UPF1: variants seen among roughly 807,000 people sequenced by gnomAD.
UPF1 encodes the protein regulator of nonsense transcripts 1.
In UPF1, 9 loss-of-function variants were observed where a neutral mutation model predicts 129.2. The ratio of observed to expected loss-of-function variants is 0.07; its 90% CI spans 0.04 to 0.12. The LOEUF is 0.12. Ranked by LOEUF, UPF1 falls within the 10% of genes least tolerant of loss-of-function variation. UPF1 has a pLI of 1.00. For missense variants in UPF1, 788 were observed against 1,525.3 expected, an observed-to-expected ratio of 0.52 and a Z score of 8.05; for synonymous variants, 649 against 644.9, an observed-to-expected ratio of 1.01 and a Z score of -0.10.
rs4808161 is a variant in UPF1 at position 18,832,079 on chromosome 19, C to G, written c.-131C>G. 0.89 allele frequency: 730,640 copies of G among 819,356 alleles called. 326,623 individuals carry two copies. Among genetic ancestry groups the G allele is most frequent in the African/African-American group, 0.98 (53,164 of 54,212 alleles). 50.8% of individuals were successfully genotyped at this position (819,356 alleles called of 1,614,324 possible). ...TCTCGGTCCGGCTGGCGCCGGGGCGCGCGGTTTGGTCCTTTCCGGGCGCGC... is the reference window on the plus strand; with the variant it reads ...TCTCGGTCCGGCTGGCGCCGGGGCGGGCGGTTTGGTCCTTTCCGGGCGCGC... On this transcript the variant is annotated 5_prime_UTR_variant, in exon 1 of 24. Coordinates refer to ENST00000262803, the MANE Select transcript of UPF1 (RefSeq NM_002911.4). The surrounding 1 kb of genome is among the most constrained non-coding windows in gnomAD (Gnocchi z 5.6).
rs79107411 is a variant in UPF1, at chr19:18,857,770, C to T, written c.2182+237C>T. ...AAAACTCAGTCATTGCCTGAGAATTCATCCAAGCCTCATGTGGCAGCATGC... is the reference window on the plus strand; with the variant it reads ...AAAACTCAGTCATTGCCTGAGAATTTATCCAAGCCTCATGTGGCAGCATGC... On this transcript the variant is annotated intron_variant, in intron 15 of 23. Transcript: ENST00000262803. 1.8e-3 allele frequency among the ~76,000 whole-genome samples: 269 copies of T among 152,360 alleles called. 9 individuals carry two copies. The East Asian group carries it at 0.048, about 27-fold the overall frequency.
At chr19:18,855,063 G>A in intron 10 of UPF1, 25 bp downstream of exon 10, 6 of 1,613,048 alleles carry the variant, frequency 3.7e-6, no homozygotes, top group East Asian at 4.5e-5. Context: ...CAGCGCGCGG[G>A]GCCTCGCCCA....
chr19:18,861,374 G>A (rs766183587), intron 17 of UPF1, among the ~76,000 whole-genome samples: 20 of 152,204 alleles, frequency 1.3e-4, no homozygotes, highest in Non-Finnish European at 2.1e-4. Context: ...CACCCACTGC[G>A]GGTGTGTGGG....
chr19:18,863,733 T>A (rs1459770807), intron 19 of UPF1, 121 bp downstream of exon 19: 14 of 1,038,176 alleles, frequency 1.3e-5, no homozygotes, highest in South Asian at 1.6e-5. Context: ...TAGGGGAGGG[T>A]GGGCTCTCCT....
Position 18,850,740 on chromosome 19 carries a change from C to A in UPF1, c.682C>A (p.Gln228Lys), listed in dbSNP as rs2055649872. The change falls in exon 5 of 24, where the codon CAG becomes AAG. Residue 228 changes from glutamine to lysine, a missense_variant. Around this residue, in one of 6 missense-constraint regions of UPF1, gnomAD observed 227 missense variants for 517.9 expected, o/e 0.44. Coordinates refer to ENST00000262803, the MANE Select transcript of UPF1 (RefSeq NM_002911.4). The surrounding 1 kb of genome is among the most constrained non-coding windows in gnomAD (Gnocchi z 7.1). ...SLKDINWDSS[Q>K]WQPLIQDRCF... ...CAAGGACATCAACTGGGACAGCTCG[C>A]AGTGGCAGCCGCTGATCCAGGACCG... The A allele has an allele frequency of 6.2e-7, 1 of 1,610,742 alleles. No individual in the cohort carries two copies. Among genetic ancestry groups the A allele is most frequent in the African/African-American group, 1.3e-5 (1 of 75,016 alleles).
chr19:18,832,398 C>T lies in UPF1; in HGVS notation c.189C>T (p.Gly63=). 1.9e-6 allele frequency: 2 copies of T among 1,028,940 alleles called. No individual in the cohort carries two copies. Among genetic ancestry groups the T allele is most frequent in the Non-Finnish European group, 2.3e-6 (2 of 858,838 alleles). 63.7% of individuals were successfully genotyped at this position (1,028,940 alleles called of 1,614,324 possible). The change falls in exon 1 of 24, where the codon GGC becomes GGT. Residue 63 remains glycine (G), a synonymous_variant. Coordinates refer to ENST00000262803, the MANE Select transcript of UPF1 (RefSeq NM_002911.4). This position sits in a 1 kb window ranked among gnomAD's most constrained non-coding sequence, Gnocchi z 5.6. ...GPGGGGAGGP[G]GAGAGAAAGQ... ...GCGGTGGCGGCGCGGGAGGCCCGGG[C>T]GGCGCGGGCGCGGGCGCTGCGGCGG...
chr19:18,854,581 A>C lies in UPF1; in HGVS notation c.1157-20A>C, dbSNP rs1373593082. 11 of 1,591,892 alleles carry C rather than the reference A, an allele frequency of 6.9e-6. No homozygotes were observed. Among genetic ancestry groups the C allele is most frequent in the African/African-American group, 1.3e-5 (1 of 74,270 alleles). Reference sequence around the variant, plus strand: ...TCAGCCCGGCTTTTGACAAGGATGCAAACTTAACTCAGCACACAGATTATG... The same window carrying C: ...TCAGCCCGGCTTTTGACAAGGATGCCAACTTAACTCAGCACACAGATTATG... On this transcript the variant is annotated intron_variant, in intron 8 of 23. Transcript: ENST00000262803.
chr19:18,860,509 CTTAT>C, intron 16 of UPF1, 71 bp downstream of exon 16: 1 of 1,497,178 alleles, frequency 6.7e-7, no homozygotes, highest in Non-Finnish European at 9.2e-7. Flanking sequence ...ACCCATTCTA[CTTAT>C]TTTTAACATG....
chr19:18,835,181 C>T (rs919855802), intron 1 of UPF1, among the ~76,000 whole-genome samples: 8 of 152,154 alleles, frequency 5.3e-5, no homozygotes, highest in East Asian at 1.9e-4. Flanking sequence ...TTCACATCAA[C>T]GGAATCATAT....
rs200826658 is a variant in UPF1, at chr19:18,846,105, C to G, written c.357C>G (p.Pro119=). ...ACACCTATTACACGAAGGACCTCCC[C>G]ATACACGCCTGCAGGTGAGCTGAGC... The part of the protein sequence containing the change: ...EEDTYYTKDL[P]IHACSYCGIH... Residue 119 remains proline, a synonymous_variant, in exon 2 of 24, where the codon CCC becomes CCG. Transcript: ENST00000262803. The G allele has an allele frequency of 1.2e-6, 2 of 1,614,058 alleles. No homozygotes were observed. The highest frequency in any genetic ancestry group is 2.2e-5 in the East Asian group (1 of 44,882).
Position 18,862,138 on chromosome 19 carries a change from C to A in UPF1, c.2586C>A (p.Ala862=). Residue 862 remains alanine (A), a synonymous_variant, in exon 18 of 24, where the codon GCC becomes GCA. Coordinates refer to ENST00000262803, the MANE Select transcript of UPF1 (RefSeq NM_002911.4). ...ATGACCCCAGGCGTCTGAACGTGGC[C>A]CTGACCAGAGCAAGGTAGGGAGGCT... ...FLNDPRRLNV[A]LTRARYGVII... The A allele has an allele frequency of 3.1e-6, 5 of 1,613,850 alleles. No homozygotes were observed. Among genetic ancestry groups the A allele is most frequent in the Non-Finnish European group, 4.2e-6 (5 of 1,179,984 alleles).
In UPF1 at chr19:18,855,059, G is replaced by T. The variant is rs370437288; in HGVS notation, c.1425+21G>T. 39 of 1,612,904 alleles carry T rather than the reference G, an allele frequency of 2.4e-5. No individual in the cohort carries two copies. In the East Asian group the frequency reaches 4.7e-4, roughly 19 times the overall value. ...CCCAGGTGCGCGCCGTCCTCAGCGC[G>T]CGGGGCCTCGCCCATGGGCCGGGAC... On this transcript the variant is annotated intron_variant, in intron 10 of 23. Transcript: ENST00000262803.
Position 18,867,390 on chromosome 19 carries a change from T to A in UPF1, c.*873T>A, listed in dbSNP as rs1398515995. On this transcript the variant is annotated 3_prime_UTR_variant, in exon 24 of 24. Transcript: ENST00000262803. Reference sequence around the variant, plus strand: ...GACTCGGCGCAGGGCCCCGCACCGGTGAGGAAGGTGCTTTTGGCCCCATTG... The same window carrying A: ...GACTCGGCGCAGGGCCCCGCACCGGAGAGGAAGGTGCTTTTGGCCCCATTG... 6.6e-6 allele frequency: 1 copy of A among 152,174 alleles called. No individual in the cohort carries two copies. The highest frequency in any genetic ancestry group is 1.5e-5 in the Non-Finnish European group (1 of 68,046). 9.4% of individuals were successfully genotyped at this position (152,174 alleles called of 1,614,324 possible).
chr19:18,837,385 G>T (rs1442161825), intron 1 of UPF1, among the ~76,000 whole-genome samples: 1 of 152,174 alleles, frequency 6.6e-6, no homozygotes, highest in Non-Finnish European at 1.5e-5. Flanking sequence ...ATTGAGCCTG[G>T]CAAAAGTGCT....
rs1475498240 is a variant in UPF1 at position 18,850,972 on chromosome 19, C to T, written c.810+104C>T. 5.9e-6 allele frequency: 8 copies of T among 1,359,708 alleles called. No homozygotes were observed. Among genetic ancestry groups the T allele is most frequent in the Non-Finnish European group, 7.7e-6 (8 of 1,035,194 alleles). The allele number at this position is 1,359,708 out of a possible 1,614,324, so 84.2% of individuals were successfully genotyped here. A position where few individuals can be genotyped will look rare whatever the true frequency, so the allele number is the denominator to read the frequency against. On this transcript the variant is annotated intron_variant, in intron 5 of 23. Transcript: ENST00000262803. This position sits in a 1 kb window ranked among gnomAD's most constrained non-coding sequence, Gnocchi z 7.1. ...TGACCCAGTGAGACCGCTGGAGATT[C>T]TCTGAAAGGAATTCAGGCAGACCTC... is the stretch of plus-strand genomic sequence containing the variant.
rs1246297207 is a variant in UPF1, at chr19:18,855,140, C to T, written c.1442C>T (p.Thr481Ile). The change falls in exon 11 of 24, where the codon ACT becomes ATT. Residue 481 changes from threonine to isoleucine, a missense_variant. Thr to Ile is a moderately conservative substitution (Grantham distance 89). Around this residue, in one of 6 missense-constraint regions of UPF1, gnomAD observed 227 missense variants for 517.9 expected, o/e 0.44. Coordinates refer to ENST00000262803, the MANE Select transcript of UPF1 (RefSeq NM_002911.4). ...GTATTGAAGGTTTATGCCGTGAAGACTGTGCTGCAAAGACCACTGAGCCTG... is the reference window on the plus strand; with the variant it reads ...GTATTGAAGGTTTATGCCGTGAAGATTGTGCTGCAAAGACCACTGAGCCTG... ...LNHSQVYAVK[T>I]VLQRPLSLIQ... The T allele has an allele frequency of 6.2e-7, 1 of 1,613,994 alleles. No individual in the cohort carries two copies. Among genetic ancestry groups the T allele is most frequent in the South Asian group, 1.1e-5 (1 of 91,092 alleles).
rs981504308 is a variant in UPF1, at chr19:18,867,985, CGCGT to C, written c.*1469_*1472del. ...TCGGTTTCCCCTTCTTCCGGTAGGC[CGCGT>C]AGAGGCATGCACCGGGTAGGTTTCC... On this transcript the variant is annotated 3_prime_UTR_variant, in exon 24 of 24. Coordinates refer to ENST00000262803, the MANE Select transcript of UPF1 (RefSeq NM_002911.4). 6.5e-6 allele frequency: 1 copy of C among 154,156 alleles called. No individual in the cohort carries two copies. The highest frequency in any genetic ancestry group is 2.4e-5 in the African/African-American group (1 of 41,456). The allele number at this position is 154,156 out of a possible 1,614,324, so 9.5% of individuals were successfully genotyped here. A position where few individuals can be genotyped will look rare whatever the true frequency, so the allele number is the denominator to read the frequency against.
chr19:18,865,668 G>C lies in UPF1; in HGVS notation c.3127G>C (p.Asp1043His). The C allele has an allele frequency of 6.2e-7, 1 of 1,613,950 alleles. No individual in the cohort carries two copies. The highest frequency in any genetic ancestry group is 8.5e-7 in the Non-Finnish European group (1 of 1,180,052). The change falls in exon 22 of 24, where the codon GAT (aspartate) becomes CAT (histidine). Residue 1043 changes from aspartate to histidine, a missense_variant. Around this residue, in one of 6 missense-constraint regions of UPF1, gnomAD observed 218 missense variants for 318.1 expected, o/e 0.69. Coordinates refer to ENST00000262803, the MANE Select transcript of UPF1 (RefSeq NM_002911.4). This position sits in a 1 kb window ranked among gnomAD's most constrained non-coding sequence, Gnocchi z 6.1. ...TNLPNSQASQ[D>H]VASQPFSQGA... Reference sequence around the variant, plus strand: ...CCTCCCCAACAGCCAAGCCAGCCAGGATGTGGCGTCACAGCCCTTCTCTCA... The same window carrying C: ...CCTCCCCAACAGCCAAGCCAGCCAGCATGTGGCGTCACAGCCCTTCTCTCA...
Position 18,850,299 on chromosome 19 carries a change from A to G in UPF1, c.629+57A>G, listed in dbSNP as rs1454108831. ...ACCTTTAAGCTCCAGCCGTCTCCTC[A>G]CAAGCCTTGGCCCAGCCCAGCCCAG... On this transcript the variant is annotated intron_variant, in intron 4 of 23. Coordinates refer to ENST00000262803, the MANE Select transcript of UPF1 (RefSeq NM_002911.4). The surrounding 1 kb of genome is among the most constrained non-coding windows in gnomAD (Gnocchi z 7.1). The G allele has an allele frequency of 2.0e-6, 3 of 1,520,974 alleles. No individual in the cohort carries two copies. In the African/African-American group the frequency reaches 4.2e-5, roughly 21 times the overall value. The allele number at this position is 1,520,974 out of a possible 1,614,324, so 94.2% of individuals were successfully genotyped here. A position where few individuals can be genotyped will look rare whatever the true frequency, so the allele number is the denominator to read the frequency against.
Sources: allele counts gnomAD v4.1 joint callset (sites outside exome capture counted in the v4.1 genomes callset), GRCh38; gene constraint gnomAD v4.1.1; regional missense constraint gnomAD v4.1.1; non-coding constraint Gnocchi (gnomAD v3.1); transcripts MANE v1.5; gene names NCBI Gene and HGNC (gene_info 2026-07-23, HGNC 2026-07-21).